Variants in ARMH1 observed in about 807,000 individuals in gnomAD.
ARMH1 encodes the protein armadillo-like helical domain containing protein 1.
In ARMH1, 34 loss-of-function variants were observed where a neutral mutation model predicts 50.2. That is an observed-to-expected ratio of 0.68 (90% CI 0.51 to 0.90). The LOEUF (loss-of-function observed/expected upper bound fraction) is 0.90. Among genes scored for constraint, ARMH1 ranks in the 40% least tolerant of loss-of-function variants. ARMH1 has a pLI of 0.00. For missense variants in ARMH1, 538 were observed against 553.9 expected (o/e 0.97, Z 0.29); for synonymous variants, 221 against 224.2 (o/e 0.99, Z 0.13).
chr1:44,698,753 T>A (rs1257074028), intron 4 of ARMH1, among the ~76,000 whole-genome samples: 1 of 149,716 alleles, frequency 6.7e-6, no homozygotes, highest in African/African-American at 2.5e-5. Context: ...GCAGAGGTTG[T>A]GGTGAGTTGA....
intron 1 of ARMH1, among the ~76,000 whole-genome samples, chr1:44,679,525 G>A (rs1476387084): frequency 1.3e-5 from 2 of 152,218 alleles, no homozygotes; most frequent in Non-Finnish European, 2.9e-5. Context: ...CCATTTGGCT[G>A]CAGCTAAATA....
chr1:44,695,468 C>T (rs756087875), intron 2 of ARMH1, among the ~76,000 whole-genome samples: 14 of 152,086 alleles, frequency 9.2e-5, no homozygotes, highest in Non-Finnish European at 1.6e-4. Flanking sequence ...AAATAATAGA[C>T]CAGAAATATG....
chr1:44,702,537 C>A (rs1355708411), intron 5 of ARMH1, among the ~76,000 whole-genome samples: 1 of 151,790 alleles, frequency 6.6e-6, no homozygotes, highest in Non-Finnish European at 1.5e-5. Flanking sequence ...CATGGTGAAA[C>A]TCTGTCTCTA....
intron 6 of ARMH1, among the ~76,000 whole-genome samples, chr1:44,710,360 A>G (rs1173801414): frequency 6.6e-6 from 1 of 152,186 alleles, no homozygotes; most frequent in Admixed American, 6.5e-5. Context: ...CTGTAATCCC[A>G]GCACTTTGGG....
rs559833143 is a variant in ARMH1 at position 44,713,797 on chromosome 1, G to C, written c.724+9624G>C. On this transcript the variant is annotated intron_variant, in intron 6 of 11. Transcript: ENST00000535358. ...GGATAGTTCAAAACATCAGTACACG[G>C]ACTGGTTGGGCTGGGTGAAAGCAGA... 8.1e-4 allele frequency among the ~76,000 whole-genome samples: 124 copies of C among 152,242 alleles called. 2 individuals carry two copies. Among genetic ancestry groups the C allele is most frequent in the Non-Finnish European group, 1.5e-5 (1 of 68,018 alleles).
intron 1 of ARMH1, among the ~76,000 whole-genome samples, chr1:44,688,480 C>A (rs1315677038): frequency 6.6e-6 from 1 of 152,188 alleles, no homozygotes; most frequent in Non-Finnish European, 1.5e-5. Context: ...TTAACTAGAT[C>A]TCTGGCGAAG....
intron 6 of ARMH1, among the ~76,000 whole-genome samples, chr1:44,706,327 G>A (rs1353420763): frequency 1.3e-5 from 2 of 152,206 alleles, no homozygotes; most frequent in African/African-American, 2.4e-5. Context: ...ACTGCCTGGT[G>A]AGGAGAATGA....
chr1:44,695,902 AC>A (rs1645810483), intron 2 of ARMH1, among the ~76,000 whole-genome samples: 1 of 150,364 alleles, frequency 6.7e-6, no homozygotes, highest in African/African-American at 2.5e-5. Context: ...CTGTGATTGC[AC>A]CACTGTGCCC....
chr1:44,691,303 CTG>C (rs1645652118), intron 2 of ARMH1, among the ~76,000 whole-genome samples: 1 of 151,930 alleles, frequency 6.6e-6, no homozygotes, highest in South Asian at 2.1e-4. Context: ...TTGAGTCTCC[CTG>C]TCTCCACTTC....
intron 3 of ARMH1, 92 bp from the exon 4 acceptor site, chr1:44,697,971 A>G (rs1054222000): frequency 3.4e-5 from 34 of 1,011,708 alleles, no homozygotes; most frequent in Middle Eastern, 2.6e-4. Flanking sequence ...AGGGCAAAGT[A>G]TGTAAAGAGG....
In ARMH1 at chr1:44,692,231, G is replaced by T. The variant is rs368484303; in HGVS notation, c.206+2328G>T. On this transcript the variant is annotated intron_variant, in intron 2 of 11. Coordinates refer to ENST00000535358, the MANE Select transcript of ARMH1 (RefSeq NM_001145636.2). ...GATCACACCGCTGTGTTCTATCCTG[G>T]GCGATGGAGCAAGACCTCATCTCTA... Among the ~76,000 whole-genome samples the T allele has an allele frequency of 1.3e-4, 20 of 152,090 alleles. No individual in the cohort carries two copies. The East Asian group carries it at 3.5e-3, about 26-fold the overall frequency.
chr1:44,685,877 C>G (rs1302433250), intron 1 of ARMH1, among the ~76,000 whole-genome samples: 1 of 152,144 alleles, frequency 6.6e-6, no homozygotes, highest in Non-Finnish European at 1.5e-5. Context: ...CTGCCTGCCT[C>G]GGCCTCCCAA....
chr1:44,711,180 C>G (rs1646597760), intron 6 of ARMH1, among the ~76,000 whole-genome samples: 2 of 152,148 alleles, frequency 1.3e-5, no homozygotes, highest in African/African-American at 4.8e-5. Context: ...TAATTGAGTA[C>G]CTGTTTTCAG....
At chr1:44,715,481 C>G (rs1646813821) in intron 6 of ARMH1, among the ~76,000 whole-genome samples, 1 of 152,190 alleles carries the variant, frequency 6.6e-6, no homozygotes, top group Non-Finnish European at 1.5e-5. Flanking sequence ...TCCAAAGTTC[C>G]TCTTCGGATT....
At chr1:44,723,074 CAAA>C (rs35266270) in intron 6 of ARMH1, among the ~76,000 whole-genome samples, 2 of 130,696 alleles carry the variant, frequency 1.5e-5, no homozygotes, top group African/African-American at 2.8e-5. Context: ...GGCTCTGTCT[CAAA>C]AAAAAAAAAA....
chr1:44,692,454 TC>T (rs1645689031), intron 2 of ARMH1, among the ~76,000 whole-genome samples: 1 of 151,976 alleles, frequency 6.6e-6, no homozygotes, highest in Non-Finnish European at 1.5e-5. Flanking sequence ...TATCTCTCTT[TC>T]CCCCCACTGG....
At chr1:44,703,560 T>TAAA (rs1186744272) in intron 5 of ARMH1, among the ~76,000 whole-genome samples, 17,552 of 106,704 alleles carry the variant, frequency 0.16, 1,457 homozygotes, top group Admixed American at 0.22. Flanking sequence ...CCGTCTCTAC[T>TAAA]AAAAAAAAAA....
intron 6 of ARMH1, among the ~76,000 whole-genome samples, chr1:44,721,454 GACTC>G (rs1172791378): frequency 6.6e-6 from 1 of 151,924 alleles, no homozygotes. Context: ...ACACTAGAAA[GACTC>G]ACAAGACTTC....
chr1:44,685,521 G>C (rs1314115582), intron 1 of ARMH1, among the ~76,000 whole-genome samples: 1 of 152,126 alleles, frequency 6.6e-6, no homozygotes, highest in Non-Finnish European at 1.5e-5. Flanking sequence ...GTGTTGCCCA[G>C]GCTGGTCTCA....
Sources: gnomAD v4.1 joint callset for allele counts (sites outside exome capture counted in the v4.1 genomes callset) on GRCh38, gnomAD v4.1.1 for gene constraint, MANE v1.5 for transcripts, NCBI Gene and HGNC (gene_info 2026-07-23, HGNC 2026-07-21) for gene names.